ESYT3: variants seen among roughly 807,000 people sequenced by gnomAD.
ESYT3 encodes the protein extended synaptotagmin 3, also known as extended synaptotagmin-3.
ESYT3 carries 101 observed loss-of-function variants against 111.5 expected under a neutral mutation model. The observed-to-expected ratio is 0.91, with a 90% CI of 0.77 to 1.07. The LOEUF (loss-of-function observed/expected upper bound fraction) is 1.07, where lower values mean the gene tolerates loss of function less well. ESYT3 is among the 50% of genes least tolerant of loss of function. ESYT3 has a pLI of 0.00. For synonymous variants in ESYT3, 416 were observed against 446.8 expected (o/e 0.93, Z 0.87); for missense variants, 1,097 against 1,109.4 (o/e 0.99, Z 0.16).
At position 138,477,061 on chromosome 3, in the gene ESYT3, C is replaced by CT; in HGVS notation, c.*214dup. 2.3e-6 allele frequency: 1 copy of CT among 431,844 alleles called. No homozygotes were observed. Among genetic ancestry groups the CT allele is most frequent in the Non-Finnish European group, 4.1e-6 (1 of 246,328 alleles). 26.8% of individuals were successfully genotyped at this position (431,844 alleles called of 1,614,324 possible). A position where few individuals can be genotyped will look rare whatever the true frequency, so the allele number is the denominator to read the frequency against. ...AGAGGTTATTTAAAAGCAAGAACTA[C>CT]TTTTTTTGGTTGGATTTTTTTGTTC... On this transcript the variant is annotated 3_prime_UTR_variant, in exon 23 of 23. Coordinates refer to ENST00000389567, the MANE Select transcript of ESYT3 (RefSeq NM_031913.5).
intron 1 of ESYT3, among the ~76,000 whole-genome samples, chr3:138,449,109 G>C (rs2031762272): frequency 7.3e-6 from 1 of 136,308 alleles, no homozygotes; most frequent in African/African-American, 3.0e-5. Flanking sequence ...TTTTGAGATG[G>C]AGTCTTGCTC....
chr3:138,462,594 G>T (rs373801338), intron 8 of ESYT3: 63 of 320,748 alleles, frequency 2.0e-4, no homozygotes, highest in African/African-American at 1.1e-3. Context: ...ACATTTTAAG[G>T]AGTCTGGCTT....
intron 8 of ESYT3, among the ~76,000 whole-genome samples, chr3:138,463,542 C>A (rs147303618): frequency 0.016 from 2,496 of 152,242 alleles, 214 homozygotes; most frequent in Admixed American, 0.14. Flanking sequence ...ATTGATGGAC[C>A]ATTATGTTGT....
intron 1 of ESYT3, among the ~76,000 whole-genome samples, chr3:138,448,138 G>T (rs1428959809): frequency 6.6e-6 from 1 of 151,584 alleles, no homozygotes; most frequent in African/African-American, 2.4e-5. Flanking sequence ...GTGGTGGCAG[G>T]TGCCTGTAAT....
chr3:138,470,052 G>C lies in ESYT3; in HGVS notation c.1504-8G>C, dbSNP rs1357455916. On this transcript the variant is annotated splice_region_variant and splice_polypyrimidine_tract_variant and intron_variant, in intron 15 of 22. Coordinates refer to ENST00000389567, the MANE Select transcript of ESYT3 (RefSeq NM_031913.5). ...CCCTTCAATGATCTCTCCCTCTTCTGTTCCCAGACCTGTCCCCACAACAAG... is the reference window on the plus strand; with the variant it reads ...CCCTTCAATGATCTCTCCCTCTTCTCTTCCCAGACCTGTCCCCACAACAAG... 6.2e-7 allele frequency: 1 copy of C among 1,611,130 alleles called. No individual in the cohort carries two copies. Among genetic ancestry groups the C allele is most frequent in the Admixed American group, 1.7e-5 (1 of 59,906 alleles).
intron 3 of ESYT3, 139 bp downstream of exon 3, chr3:138,455,467 G>T: frequency 5.6e-6 from 1 of 179,366 alleles, no homozygotes; most frequent in East Asian, 1.4e-4. Flanking sequence ...ACACCCTCCC[G>T]CCACCACCTG....
intron 18 of ESYT3, chr3:138,473,128 C>A: frequency 7.3e-7 from 1 of 1,369,014 alleles, no homozygotes; most frequent in South Asian, 1.8e-5. Context: ...TTGAGTTATA[C>A]TGGGATGACA....
chr3:138,463,551 G>A (rs899078592), intron 8 of ESYT3, among the ~76,000 whole-genome samples: 1 of 152,224 alleles, frequency 6.6e-6, no homozygotes, highest in African/African-American at 2.4e-5. Flanking sequence ...CCATTATGTT[G>A]TGTTGGGTCT....
In ESYT3 at chr3:138,476,294, C is replaced by T; in HGVS notation, c.2540C>T (p.Pro847Leu). 1.2e-6 allele frequency: 2 copies of T among 1,613,552 alleles called. No homozygotes were observed. The highest frequency in any genetic ancestry group is 1.7e-6 in the Non-Finnish European group (2 of 1,179,644). The part of the protein sequence containing the change: ...SLDVAVKNSR[P>L]LGSHRRKELG... Reference sequence around the variant, plus strand: ...GATGTTGCAGTGAAAAATAGTAGGCCACTTGGCTCACACAGAAGAAAGGAG... The same window carrying T: ...GATGTTGCAGTGAAAAATAGTAGGCTACTTGGCTCACACAGAAGAAAGGAG... The change falls in exon 21 of 23, where the codon CCA (proline) becomes CTA (leucine). Residue 847 changes from proline (P) to leucine (L), a missense_variant. By Grantham distance (98) the Pro-to-Leu change is moderately conservative. Transcript: ENST00000389567.
rs777061244 is a variant in ESYT3 at position 138,476,871 on chromosome 3, C to A, written c.*17C>A. 6.2e-7 allele frequency: 1 copy of A among 1,610,312 alleles called. No homozygotes were observed. The highest frequency in any genetic ancestry group is 1.1e-5 in the South Asian group (1 of 90,946). ...AGAAGCTGATGATGAGAATTCTTAT[C>A]ACTCACCTTTATATTAAAATGTATA... On this transcript the variant is annotated 3_prime_UTR_variant, in exon 23 of 23. Coordinates refer to ENST00000389567, the MANE Select transcript of ESYT3 (RefSeq NM_031913.5).
chr3:138,440,020 G>T lies in ESYT3; in HGVS notation c.327+4895G>T, dbSNP rs1335326213. 6.6e-6 allele frequency among the ~76,000 whole-genome samples: 1 copy of T among 152,170 alleles called. No individual in the cohort carries two copies. The highest frequency in any genetic ancestry group is 1.5e-5 in the Non-Finnish European group (1 of 68,032). On this transcript the variant is annotated intron_variant, in intron 1 of 22. Coordinates refer to ENST00000389567, the MANE Select transcript of ESYT3 (RefSeq NM_031913.5). The surrounding 1 kb of genome is among the most constrained non-coding windows in gnomAD (Gnocchi z 4.2). The stretch of plus-strand genomic sequence containing the variant: ...AGCCCCTTGTCCTCTCTGGGCCTCT[G>T]ATTTCTCTGAAAATCATGACATTTT...
chr3:138,459,367 C>CAGAG (rs1347457203), intron 5 of ESYT3, 114 bp downstream of exon 5: 5 of 773,472 alleles, frequency 6.5e-6, no homozygotes, highest in Non-Finnish European at 9.9e-6. Flanking sequence ...ACACTAAACA[C>CAGAG]AGAGGATGGT....
chr3:138,462,508 G>T, intron 8 of ESYT3: 1 of 508,148 alleles, frequency 2.0e-6, no homozygotes, highest in Non-Finnish European at 3.5e-6. Context: ...CCATTTTTAG[G>T]GTTTTATACC....
chr3:138,452,646 A>G (rs937607388), intron 2 of ESYT3, among the ~76,000 whole-genome samples: 1 of 152,118 alleles, frequency 6.6e-6, no homozygotes, highest in African/African-American at 2.4e-5. Context: ...CCCTTGGCCG[A>G]GCCCTCCCCA....
chr3:138,434,620 T>G lies in ESYT3; in HGVS notation c.-179T>G. Reference sequence around the variant, plus strand: ...GGCGGCGCGGCGCGGCGCGGTGCATTTCCAGGCGCTGCTCTCCGTCGCAGA... The same window carrying G: ...GGCGGCGCGGCGCGGCGCGGTGCATGTCCAGGCGCTGCTCTCCGTCGCAGA... On this transcript the variant is annotated 5_prime_UTR_variant, in exon 1 of 23. It adds an upstream start codon to the 5' untranslated region. Coordinates refer to ENST00000389567, the MANE Select transcript of ESYT3 (RefSeq NM_031913.5). The G allele has an allele frequency of 1.7e-6, 1 of 572,238 alleles. No homozygotes were observed. The highest frequency in any genetic ancestry group is 2.9e-6 in the Non-Finnish European group (1 of 342,582). The allele number at this position is 572,238 out of a possible 1,614,324, so 35.4% of individuals were successfully genotyped here. A position where few individuals can be genotyped will look rare whatever the true frequency, so the allele number is the denominator to read the frequency against.
chr3:138,468,567 T>C, intron 12 of ESYT3, 88 bp from the exon 13 acceptor site: 1 of 1,400,918 alleles, frequency 7.1e-7, no homozygotes, highest in South Asian at 1.2e-5. Flanking sequence ...GCTAGCTGGC[T>C]TTCTTCTGCC....
chr3:138,474,524 A>G (rs540491193), intron 20 of ESYT3, 172 bp downstream of exon 20: 141 of 658,792 alleles, frequency 2.1e-4, no homozygotes, highest in Non-Finnish European at 2.9e-4. Context: ...ATGGAGTGCC[A>G]GAGAAGTTTA....
chr3:138,443,286 AG>A (rs1203375294), intron 1 of ESYT3, among the ~76,000 whole-genome samples: 1 of 152,244 alleles, frequency 6.6e-6, no homozygotes, highest in Non-Finnish European at 1.5e-5. Context: ...AAAGTACTTG[AG>A]CTGGGTAATT....
rs753204515 is a variant in ESYT3, at chr3:138,455,274, G to A, written c.450G>A (p.Glu150=). ...FREKLEPKIR[E]KSIHLRTFTF... ...AGAAACTTGAGCCCAAGATCCGAGAGAAGAGCATCCACCTGAGGACCTTTA... is the reference window on the plus strand; with the variant it reads ...AGAAACTTGAGCCCAAGATCCGAGAAAAGAGCATCCACCTGAGGACCTTTA... The change falls in exon 3 of 23, where the codon GAG becomes GAA. Residue 150 remains glutamate, a synonymous_variant. Coordinates refer to ENST00000389567, the MANE Select transcript of ESYT3 (RefSeq NM_031913.5). 1.2e-6 allele frequency: 2 copies of A among 1,614,052 alleles called. No individual in the cohort carries two copies. The highest frequency in any genetic ancestry group is 1.3e-5 in the African/African-American group (1 of 74,924).
Sources: gnomAD v4.1 joint callset for allele counts (sites outside exome capture counted in the v4.1 genomes callset) on GRCh38, gnomAD v4.1.1 for gene constraint, Gnocchi (gnomAD v3.1) non-coding constraint, MANE v1.5 for transcripts, NCBI Gene and HGNC (gene_info 2026-07-23, HGNC 2026-07-21) for gene names.